The following COL4A6 variants were observed in gnomAD, a reference collection of about 807,000 sequenced individuals.
COL4A6 encodes the protein collagen type IV alpha 6 chain.
Under a neutral mutation model 126.7 loss-of-function variants are expected in COL4A6, and 59 were observed. The ratio of observed to expected loss-of-function variants is 0.47; its 90% CI spans 0.38 to 0.58. COL4A6 has a LOEUF of 0.58. Ranked by LOEUF, COL4A6 falls within the 20% of genes least tolerant of loss-of-function variation. The probability of loss-of-function intolerance (pLI) is 0.00; values close to 1 mark genes in which losing one functional copy is unlikely to be tolerated. For synonymous variants in COL4A6, 547 were observed against 496.6 expected (o/e 1.10, Z -1.35); for missense variants, 1,285 against 1,337.3 (o/e 0.96, Z 0.61).
chrX:108,256,162 A>T (rs1231068010), intron 3 of COL4A6, among the ~76,000 whole-genome samples: 14 of 112,623 alleles, frequency 1.2e-4, no homozygotes, highest in Non-Finnish European at 2.3e-4. Flanking sequence ...TTTATTTTAC[A>T]TTAGCAAAAC....
chrX:108,437,799 A>C, intron 2 of COL4A6, 143 bp downstream of exon 2: 1 of 614,735 alleles, frequency 1.6e-6, no homozygotes, highest in South Asian at 2.7e-5. Context: ...CAAGAATCTC[A>C]TTAACTCCCA....
At chrX:108,344,951 G>A in intron 2 of COL4A6, among the ~76,000 whole-genome samples, 1 of 111,896 alleles carries the variant, frequency 8.9e-6, no homozygotes, top group African/African-American at 3.2e-5. Context: ...AACCATGGGT[G>A]GGGGATGAAT....
intron 2 of COL4A6, among the ~76,000 whole-genome samples, chrX:108,373,563 A>G (rs147980691): frequency 9.0e-6 from 1 of 111,012 alleles, no homozygotes; most frequent in African/African-American, 3.3e-5. Context: ...GTGCAATACT[A>G]TTTTCCCTCC....
chrX:108,323,666 T>C (rs888408621), intron 2 of COL4A6, among the ~76,000 whole-genome samples: 1 of 112,103 alleles, frequency 8.9e-6, no homozygotes, highest in Admixed American at 9.5e-5. Context: ...TCCGTTCTTT[T>C]TCCTTTTTGT....
intron 3 of COL4A6, among the ~76,000 whole-genome samples, chrX:108,243,420 A>C (rs1000415082): frequency 2.7e-5 from 3 of 110,913 alleles, no homozygotes; most frequent in Non-Finnish European, 5.7e-5. Context: ...GGAGAGGAAG[A>C]GATACCAGAG....
intron 3 of COL4A6, among the ~76,000 whole-genome samples, chrX:108,234,145 C>G (rs949930505): frequency 1.8e-5 from 2 of 111,855 alleles, no homozygotes; most frequent in Non-Finnish European, 3.8e-5. Context: ...ATGACTCCAT[C>G]TAATGCTCAT....
intron 22 of COL4A6, 25 bp downstream of exon 22, chrX:108,187,823 A>T (rs1205321103): frequency 1.7e-6 from 2 of 1,178,323 alleles, no homozygotes; most frequent in Non-Finnish European, 2.3e-6. Flanking sequence ...CTGTAGAGCT[A>T]ATCACCTAGG....
At chrX:108,408,851 C>G (rs765031939) in intron 2 of COL4A6, among the ~76,000 whole-genome samples, 2 of 111,431 alleles carry the variant, frequency 1.8e-5, no homozygotes, top group East Asian at 5.6e-4. Flanking sequence ...ATCCCGGCTA[C>G]TCAGGAGGCT....
intron 2 of COL4A6, among the ~76,000 whole-genome samples, chrX:108,344,387 C>T (rs1410896165): frequency 9.0e-6 from 1 of 110,970 alleles, no homozygotes; most frequent in African/African-American, 3.3e-5. Context: ...ACAAACAAAA[C>T]AAAAACCAAC....
chrX:108,280,831 T>C (rs1462416315), intron 3 of COL4A6, among the ~76,000 whole-genome samples: 1 of 111,860 alleles, frequency 8.9e-6, no homozygotes, highest in Non-Finnish European at 1.9e-5. Context: ...GATGCAAGGC[T>C]GGTTCAACAT....
chrX:108,434,659 A>C (rs1239300865), intron 2 of COL4A6, among the ~76,000 whole-genome samples: 3 of 109,788 alleles, frequency 2.7e-5, no homozygotes, highest in African/African-American at 9.9e-5. Flanking sequence ...TTCACCTATA[A>C]ATAATGTAAA....
At chrX:108,381,970 T>C (rs764099075) in intron 2 of COL4A6, among the ~76,000 whole-genome samples, 2 of 111,449 alleles carry the variant, frequency 1.8e-5, no homozygotes, top group Non-Finnish European at 1.9e-5. Context: ...CTCATATTGA[T>C]TTTTCTCTTG....
intron 3 of COL4A6, among the ~76,000 whole-genome samples, chrX:108,256,291 C>T (rs1323444885): frequency 1.8e-5 from 2 of 111,953 alleles, no homozygotes; most frequent in African/African-American, 6.5e-5. Context: ...GAGTTATGCA[C>T]ATTTTGACTT....
intron 2 of COL4A6, among the ~76,000 whole-genome samples, chrX:108,377,364 C>T (rs1480334338): frequency 9.3e-6 from 1 of 107,539 alleles, no homozygotes; most frequent in Non-Finnish European, 1.9e-5. Context: ...CCTCTTATCT[C>T]AACTGCAAAG....
chrX:108,381,065 T>C (rs1421870949), intron 2 of COL4A6, among the ~76,000 whole-genome samples: 1 of 112,156 alleles, frequency 8.9e-6, no homozygotes, highest in Non-Finnish European at 1.9e-5. Flanking sequence ...AAATTCCCAG[T>C]TCGTCACTGT....
chrX:108,262,532 T>G (rs1181845654), intron 3 of COL4A6, among the ~76,000 whole-genome samples: 1 of 111,298 alleles, frequency 9.0e-6, no homozygotes, highest in Admixed American at 9.6e-5. Context: ...AAAAACTGGG[T>G]GTAATTTTTT....
At chrX:108,376,990 G>A (rs1344285747) in intron 2 of COL4A6, among the ~76,000 whole-genome samples, 1 of 112,515 alleles carries the variant, frequency 8.9e-6, no homozygotes, top group African/African-American at 3.2e-5. Context: ...GGGGACCAGC[G>A]TTCAGCATAA....
chrX:108,348,391 G>A (rs1231506092), intron 2 of COL4A6, among the ~76,000 whole-genome samples: 7 of 110,732 alleles, frequency 6.3e-5, no homozygotes, highest in Non-Finnish European at 1.1e-4. Flanking sequence ...CATATAGGAA[G>A]GAAAAAACAT....
intron 2 of COL4A6, among the ~76,000 whole-genome samples, chrX:108,398,156 A>T (rs1292145606): frequency 8.9e-6 from 1 of 112,324 alleles, no homozygotes; most frequent in Non-Finnish European, 1.9e-5. Flanking sequence ...CCTCACGGCA[A>T]GAACTGACTA....
Sources: allele counts gnomAD v4.1 joint callset (sites outside exome capture counted in the v4.1 genomes callset), GRCh38; gene constraint gnomAD v4.1.1; transcripts MANE v1.5; gene names NCBI Gene and HGNC (gene_info 2026-07-23, HGNC 2026-07-21).